TBCD: variants seen among roughly 807,000 people sequenced by gnomAD.
TBCD encodes the protein tubulin folding cofactor D, also known as tubulin-specific chaperone D.
A neutral mutation model predicts 169.3 loss-of-function variants in TBCD; 105 were observed. The ratio of observed to expected loss-of-function variants is 0.62; its 90% confidence interval spans 0.53 to 0.73. TBCD has a LOEUF of 0.73. TBCD is among the 30% of genes least tolerant of loss of function. The pLI is 0.00. For synonymous variants in TBCD, 700 were observed against 643.9 expected (o/e 1.09, Z -1.32); for missense variants, 1,444 against 1,600.1 (o/e 0.90, Z 1.66).
In TBCD at chr17:82,758,303, G is replaced by T. The variant is rs190895652; in HGVS notation, c.235+2088G>T. On this transcript the variant is annotated intron_variant, in intron 2 of 38. Coordinates refer to ENST00000355528, the MANE Select transcript of TBCD (RefSeq NM_005993.5). Reference sequence around the variant, plus strand: ...TGGGGCTGAAGCAGGAGAATTGCCCGAACCCAGGAGGCAGAGGTTGCAGTG... The same window carrying T: ...TGGGGCTGAAGCAGGAGAATTGCCCTAACCCAGGAGGCAGAGGTTGCAGTG... Among the ~76,000 whole-genome samples the T allele has an allele frequency of 6.2e-3, 864 of 138,978 alleles. 2 individuals are homozygous for T. The highest frequency in any genetic ancestry group is 8.6e-3 in the Non-Finnish European group (571 of 66,106). The allele number at this position is 138,978 out of a possible 152,430, so 91.2% of individuals were successfully genotyped here.
intron 15 of TBCD, among the ~76,000 whole-genome samples, chr17:82,887,170 C>CGCGCGCGCGT (rs2058801225): frequency 3.3e-5 from 1 of 30,096 alleles, no homozygotes. Context: ...TGTGTGTGTG[C>CGCGCGCGCGT]GCGCGCGCGC....
chr17:82,821,936 A>G (rs191995080), intron 13 of TBCD, among the ~76,000 whole-genome samples: 4 of 152,364 alleles, frequency 2.6e-5, no homozygotes, highest in Non-Finnish European at 2.9e-5. Context: ...TTATAAGTTT[A>G]TATAAATGTT....
At chr17:82,795,731 C>T (rs187100196) in intron 7 of TBCD, 158 of 443,678 alleles carry the variant, frequency 3.6e-4, no homozygotes, top group Non-Finnish European at 4.5e-4. Context: ...TGCAGGGGGC[C>T]GTTTGTTACT....
intron 13 of TBCD, among the ~76,000 whole-genome samples, chr17:82,857,166 G>GA (rs2056382975): frequency 6.6e-6 from 1 of 152,242 alleles, no homozygotes; most frequent in Non-Finnish European, 1.5e-5. Context: ...TCGTAGGTGT[G>GA]AGGGGGTATC....
intron 13 of TBCD, among the ~76,000 whole-genome samples, chr17:82,857,746 G>GT (rs11388114): frequency 0.58 from 76,501 of 132,336 alleles, 21,692 homozygotes; most frequent in East Asian, 0.71. Flanking sequence ...GTGTCTCATG[G>GT]TTTTTTTTTT....
At chr17:82,769,485 G>A (rs1211357491) in intron 5 of TBCD, among the ~76,000 whole-genome samples, 1 of 152,176 alleles carries the variant, frequency 6.6e-6, no homozygotes, top group Admixed American at 6.5e-5. Flanking sequence ...CGCTGACTGC[G>A]ACAGCCCTGG....
intron 13 of TBCD, among the ~76,000 whole-genome samples, chr17:82,844,205 C>CTGTGTGTGTGTGTG (rs2054795659): frequency 3.5e-4 from 2 of 5,794 alleles, no homozygotes; most frequent in Admixed American, 1.6e-3. Flanking sequence ...TGGATGTTCT[C>CTGTGTGTGTGTGTG]CGTGTGTGTG....
Position 82,938,026 on chromosome 17 carries a change from G to A in TBCD, c.3282-23G>A, listed in dbSNP as rs752528292. On this transcript the variant is annotated intron_variant, in intron 35 of 38. Coordinates refer to ENST00000355528, the MANE Select transcript of TBCD (RefSeq NM_005993.5). ...GCCTGCGCGGGGTGGGGCTCACCTG[G>A]AGCCATGTGCTGCTCCCGGCAGGTT... 11 of 1,612,386 alleles carry A rather than the reference G, an allele frequency of 6.8e-6. No individual in the cohort carries two copies. In the Admixed American group the frequency reaches 1.8e-4, roughly 27 times the overall value.
At chr17:82,752,407 C>T (rs2047145407) in intron 1 of TBCD, 30 bp downstream of exon 1, 1 of 1,206,386 alleles carries the variant, frequency 8.3e-7, no homozygotes, top group African/African-American at 1.6e-5. Flanking sequence ...TGCCCGCTTC[C>T]TCCCCCGGCC....
chr17:82,778,900 G>A (rs1306247968), intron 6 of TBCD, among the ~76,000 whole-genome samples: 1 of 152,178 alleles, frequency 6.6e-6, no homozygotes, highest in African/African-American at 2.4e-5. Context: ...GACCTCAGGT[G>A]ATCCACCCGT....
rs1368262283 is a variant in TBCD at position 82,835,273 on chromosome 17, A to G, written c.1318+20339A>G. Among the ~76,000 whole-genome samples, 4 of 151,978 alleles carry G rather than the reference A, an allele frequency of 2.6e-5. No homozygotes were observed. Among genetic ancestry groups the G allele is most frequent in the Non-Finnish European group, 5.9e-5 (4 of 67,972 alleles). On this transcript the variant is annotated intron_variant, in intron 13 of 38. Coordinates refer to ENST00000355528, the MANE Select transcript of TBCD (RefSeq NM_005993.5). The surrounding 1 kb of genome is among the most constrained non-coding windows in gnomAD (Gnocchi z 4.5). ...GCAGCTGTCCCTGAAGCAAGGCGCC[A>G]CCCCTCCTCCCTGCACCCGTGTCCT...
intron 13 of TBCD, among the ~76,000 whole-genome samples, chr17:82,821,944 G>A (rs939141845): frequency 1.3e-5 from 2 of 152,144 alleles, no homozygotes; most frequent in Admixed American, 1.3e-4. Context: ...TTATATAAAT[G>A]TTATAAATTT....
At chr17:82,888,612 G>A (rs1432655513) in intron 15 of TBCD, among the ~76,000 whole-genome samples, 1 of 152,198 alleles carries the variant, frequency 6.6e-6, no homozygotes, top group African/African-American at 2.4e-5. Context: ...GCCCAGCCCA[G>A]GGGTCTGCCT....
chr17:82,852,897 C>T (rs983788570), intron 13 of TBCD, among the ~76,000 whole-genome samples: 23 of 152,156 alleles, frequency 1.5e-4, no homozygotes, highest in Admixed American at 1.2e-3. Context: ...TAGGACTGTT[C>T]GGAAAGTTAA....
chr17:82,811,325 C>CT (rs1204742608), intron 12 of TBCD, among the ~76,000 whole-genome samples: 4 of 152,286 alleles, frequency 2.6e-5, no homozygotes, highest in Non-Finnish European at 5.9e-5. Flanking sequence ...CACTGTGTGT[C>CT]TTTCCCTCCA....
At chr17:82,791,742 G>A (rs1379991132) in intron 7 of TBCD, among the ~76,000 whole-genome samples, 1 of 152,262 alleles carries the variant, frequency 6.6e-6, no homozygotes, top group Non-Finnish European at 1.5e-5. Flanking sequence ...AGTGAGTCAT[G>A]AAACAGTCAT....
intron 1 of TBCD, 103 bp downstream of exon 1, chr17:82,752,480 T>A: frequency 1.1e-6 from 1 of 950,948 alleles, no homozygotes; most frequent in Non-Finnish European, 1.3e-6. Flanking sequence ...CGCCGGCCGC[T>A]CTGCGAGGGC....
intron 2 of TBCD, among the ~76,000 whole-genome samples, chr17:82,758,648 CTTTTTTTTTTTTCTTTTTTT>C (rs1377002682): frequency 2.6e-5 from 3 of 115,030 alleles, no homozygotes; most frequent in African/African-American, 1.0e-4. Context: ...CACCCTTTTG[CTTTTTTTTTTTTCTTTTTTT>C]TTTTTTTTTT....
intron 13 of TBCD, among the ~76,000 whole-genome samples, chr17:82,826,503 C>A (rs971817026): frequency 6.6e-6 from 1 of 151,870 alleles, no homozygotes; most frequent in East Asian, 1.9e-4. Context: ...GCAGCCTTGA[C>A]CTCCTGGGCT....
Sources: allele counts gnomAD v4.1 joint callset (sites outside exome capture counted in the v4.1 genomes callset), GRCh38; gene constraint gnomAD v4.1.1; non-coding constraint Gnocchi (gnomAD v3.1); transcripts MANE v1.5; gene names NCBI Gene and HGNC (gene_info 2026-07-23, HGNC 2026-07-21).